EPS15: variants seen among roughly 807,000 people sequenced by gnomAD.
EPS15 encodes the protein epidermal growth factor receptor substrate 15.
In EPS15, 72 loss-of-function variants were observed where a neutral mutation model predicts 113.8. That is an observed-to-expected ratio of 0.63 (90% confidence interval 0.52 to 0.77). The LOEUF (loss-of-function observed/expected upper bound fraction) is 0.77, where lower values mean the gene tolerates loss of function less well. Among genes scored for constraint, EPS15 ranks in the 30% least tolerant of loss-of-function variants. EPS15 has a pLI of 0.00. For synonymous variants in EPS15, 344 were observed against 363.4 expected (o/e 0.95, Z 0.61); for missense variants, 1,048 against 1,045.8 (o/e 1.00, Z -0.03).
chr1:51,376,242 A>C (rs1557778169), intron 21 of EPS15, among the ~76,000 whole-genome samples: 1 of 152,266 alleles, frequency 6.6e-6, no homozygotes, highest in Non-Finnish European at 1.5e-5. Context: ...CCTATGAATT[A>C]AGATAAATTG....
rs751960246 is a variant in EPS15 at position 51,424,263 on chromosome 1, A to AAC, written c.1041-2406_1041-2405insGT. Among the ~76,000 whole-genome samples, 322 of 152,320 alleles carry AAC rather than the reference A, an allele frequency of 2.1e-3. 2 individuals carry two copies. Among genetic ancestry groups the AAC allele is most frequent in the Middle Eastern group, 6.8e-3 (2 of 294 alleles). On this transcript the variant is annotated intron_variant, in intron 12 of 24. Coordinates refer to ENST00000371733, the MANE Select transcript of EPS15 (RefSeq NM_001981.3). ...GAAAATCAAGTAATTTTCTTGACCT[A>AAC]GTTTACAGTTTCAGAGATGCTCAAA...
At chr1:51,421,494 A>T (rs1417674072) in intron 13 of EPS15, among the ~76,000 whole-genome samples, 1 of 152,130 alleles carries the variant, frequency 6.6e-6, no homozygotes, top group African/African-American at 2.4e-5. Context: ...ATTGTAAGTC[A>T]TGCAAACTTA....
chr1:51,362,751 A>G (rs1646416366), intron 23 of EPS15, among the ~76,000 whole-genome samples: 1 of 152,174 alleles, frequency 6.6e-6, no homozygotes, highest in African/African-American at 2.4e-5. Context: ...TGAAAAGGCA[A>G]TATTAATCTG....
chr1:51,463,547 C>A, intron 7 of EPS15, 126 bp downstream of exon 7: 2 of 546,320 alleles, frequency 3.7e-6, no homozygotes, highest in Non-Finnish European at 6.1e-6. Context: ...AACAAAAAAT[C>A]CTATAATGAT....
At chr1:51,516,936 C>CT (rs1351906371) in intron 1 of EPS15, among the ~76,000 whole-genome samples, 1 of 152,050 alleles carries the variant, frequency 6.6e-6, no homozygotes, top group Non-Finnish European at 1.5e-5. Flanking sequence ...CTTGAGTATG[C>CT]CTATGTCTAA....
chr1:51,502,733 G>A (rs1245183404), intron 1 of EPS15, among the ~76,000 whole-genome samples: 6 of 152,160 alleles, frequency 3.9e-5, no homozygotes, highest in Admixed American at 6.5e-5. Flanking sequence ...GGCTGGGCAC[G>A]GTGGCTCACG....
intron 3 of EPS15, among the ~76,000 whole-genome samples, 157 bp downstream of exon 3, chr1:51,472,702 C>G (rs145553874): frequency 2.0e-5 from 3 of 152,192 alleles, no homozygotes; most frequent in African/African-American, 7.2e-5. Context: ...TAAATCACTA[C>G]GCTACAAATT....
chr1:51,503,454 G>T (rs992987235), intron 1 of EPS15, among the ~76,000 whole-genome samples: 2 of 152,070 alleles, frequency 1.3e-5, no homozygotes, highest in East Asian at 3.9e-4. Context: ...TAGCCAACAT[G>T]GTCTACTCTA....
intron 14 of EPS15, 54 bp downstream of exon 14, chr1:51,409,481 C>G (rs1480123999): frequency 1.1e-5 from 17 of 1,509,810 alleles, no homozygotes; most frequent in African/African-American, 7.0e-5. Context: ...CATCTTAAGC[C>G]AGGAAAAGCA....
intron 12 of EPS15, among the ~76,000 whole-genome samples, chr1:51,438,223 C>T (rs1296863704): frequency 6.6e-6 from 1 of 152,040 alleles, no homozygotes; most frequent in Non-Finnish European, 1.5e-5. Flanking sequence ...TATAAATATA[C>T]CGCACATTTA....
chr1:51,358,699 G>GTTTTTTTTTT lies in EPS15; in HGVS notation c.2545-1854_2545-1853insAAAAAAAAAA, dbSNP rs1181151202. Among the ~76,000 whole-genome samples, 180 of 129,334 alleles carry GTTTTTTTTTT rather than the reference G, an allele frequency of 1.4e-3. 2 individuals are homozygous for GTTTTTTTTTT. The highest frequency in any genetic ancestry group is 5.1e-3 in the African/African-American group (174 of 34,352). The allele number at this position is 129,334 out of a possible 152,430, so 84.8% of individuals were successfully genotyped here. The stretch of plus-strand genomic sequence containing the variant: ...TTCAAGACTCCTTCCAACCAGATTT[G>GTTTTTTTTTT]TTTTTTTTTGTTTTTTTTTTTTTTT... On this transcript the variant is annotated intron_variant, in intron 24 of 24. Transcript: ENST00000371733.
chr1:51,494,124 C>T (rs1042426856), intron 1 of EPS15, among the ~76,000 whole-genome samples: 1 of 152,156 alleles, frequency 6.6e-6, no homozygotes, highest in Non-Finnish European at 1.5e-5. Flanking sequence ...TCTTTAACTT[C>T]AAGAACCTCT....
chr1:51,417,602 T>A (rs558130738), intron 13 of EPS15, among the ~76,000 whole-genome samples: 1 of 152,350 alleles, frequency 6.6e-6, no homozygotes, highest in South Asian at 2.1e-4. Context: ...TCATGCCATA[T>A]ATAAGTGGAT....
intron 1 of EPS15, among the ~76,000 whole-genome samples, chr1:51,512,597 G>A (rs1051535464): frequency 6.6e-6 from 1 of 151,658 alleles, no homozygotes; most frequent in African/African-American, 2.4e-5. Flanking sequence ...AAGACAAACA[G>A]CCCATCAAGA....
At chr1:51,452,818 G>A (rs1368546811) in intron 8 of EPS15, among the ~76,000 whole-genome samples, 1 of 152,074 alleles carries the variant, frequency 6.6e-6, no homozygotes, top group Non-Finnish European at 1.5e-5. Flanking sequence ...TTAACCCATT[G>A]GTACCCAAAT....
rs574968803 is a variant in EPS15 at position 51,481,208 on chromosome 1, T to C, written c.75+65A>G. Reference sequence around the variant, plus strand: ...CGAGCTAGCTGGTAATCTACAGGCATACAATCAAGAGTTGACAGTACATTT... The same window carrying C: ...CGAGCTAGCTGGTAATCTACAGGCACACAATCAAGAGTTGACAGTACATTT... On this transcript the variant is annotated intron_variant, in intron 2 of 24. Transcript: ENST00000371733. 3.6e-6 allele frequency: 3 copies of C among 840,344 alleles called. No homozygotes were observed. In the East Asian group the frequency reaches 7.4e-5, roughly 21 times the overall value. 52.1% of individuals were successfully genotyped at this position (840,344 alleles called of 1,614,324 possible). A position where few individuals can be genotyped will look rare whatever the true frequency, so the allele number is the denominator to read the frequency against.
intron 23 of EPS15, among the ~76,000 whole-genome samples, chr1:51,363,518 T>C (rs1435623187): frequency 6.6e-6 from 1 of 152,060 alleles, no homozygotes. Flanking sequence ...AACACCAAAG[T>C]ACAGGAAACT....
chr1:51,439,531 C>T (rs1436153194), intron 12 of EPS15, among the ~76,000 whole-genome samples: 1 of 151,998 alleles, frequency 6.6e-6, no homozygotes, highest in Non-Finnish European at 1.5e-5. Context: ...GCCCTGTAGA[C>T]AGAAAAATTA....
rs1644774597 is a variant in EPS15 at position 51,518,656 on chromosome 1, C to T, written c.33+543G>A. Among the ~76,000 whole-genome samples the T allele has an allele frequency of 2.6e-5, 4 of 152,126 alleles. No homozygotes were observed. The South Asian group carries it at 8.3e-4, about 32-fold the overall frequency. ...CTGGGAAGGGAGGGCTTCCGTCGGACCCTGGGAGAAAGGCAGGTCTGGAGA... is the reference window on the plus strand; with the variant it reads ...CTGGGAAGGGAGGGCTTCCGTCGGATCCTGGGAGAAAGGCAGGTCTGGAGA... On this transcript the variant is annotated intron_variant, in intron 1 of 24. Transcript: ENST00000371733.
Sources: gnomAD v4.1 joint callset for allele counts (sites outside exome capture counted in the v4.1 genomes callset) on GRCh38, gnomAD v4.1.1 for gene constraint, MANE v1.5 for transcripts, NCBI Gene and HGNC (gene_info 2026-07-23, HGNC 2026-07-21) for gene names.